Variants in ABHD14A observed in about 807,000 individuals in gnomAD.
ABHD14A encodes the protein abhydrolase domain containing 14A, also known as protein ABHD14A.
In ABHD14A, 19 loss-of-function variants were observed where a neutral mutation model predicts 27.0. That is an observed-to-expected ratio of 0.70 (90% CI 0.49 to 1.03). The LOEUF is 1.03. Ranked by LOEUF, ABHD14A falls within the 50% of genes least tolerant of loss-of-function variation. The pLI is 0.00. For missense variants in ABHD14A, 311 were observed against 344.6 expected, an observed-to-expected ratio of 0.90 and a Z score of 0.77; for synonymous variants, 148 against 158.8, an observed-to-expected ratio of 0.93 and a Z score of 0.51.
At chr3:51,978,216 T>C (rs1172400336) in intron 2 of ABHD14A, 43 bp from the exon 3 acceptor site, 1 of 1,536,074 alleles carries the variant, frequency 6.5e-7, no homozygotes, top group Admixed American at 2.0e-5. Flanking sequence ...AAAGGTGGGC[T>C]ACACCAGGTT....
intron 1 of ABHD14A, among the ~76,000 whole-genome samples, chr3:51,976,521 C>G: frequency 6.6e-6 from 1 of 151,858 alleles, no homozygotes; most frequent in East Asian, 1.9e-4. Flanking sequence ...CTAAAAAATA[C>G]AAAAATTAGC....
intron 3 of ABHD14A, 23 bp downstream of exon 3, chr3:51,978,397 C>T: frequency 6.5e-7 from 1 of 1,538,386 alleles, no homozygotes; most frequent in Non-Finnish European, 8.8e-7. Flanking sequence ...ACCCCTTTGT[C>T]TAGGGAAGCC....
At position 51,980,849 on chromosome 3, in the gene ABHD14A, T is replaced by C. The variant is rs984620430; in HGVS notation, c.647T>C (p.Ile216Thr). Residue 216 changes from isoleucine (I) to threonine (T), a missense_variant, in exon 5 of 5, where the codon ATC (isoleucine) becomes ACC (threonine). Coordinates refer to ENST00000273596, the MANE Select transcript of ABHD14A (RefSeq NM_015407.5). ...CTTGCCCTGCAGACTCCAACCCTTA[T>C]CCTGTATGGAGAGCTGGACCACATC... ...QFWAVKTPTL[I>T]LYGELDHILA... The C allele has an allele frequency of 8.7e-6, 14 of 1,613,640 alleles. No homozygotes were observed. Among genetic ancestry groups the C allele is most frequent in the African/African-American group, 1.3e-5 (1 of 74,906 alleles).
At chr3:51,977,571 A>G (rs1700811477) in intron 1 of ABHD14A, among the ~76,000 whole-genome samples, 1 of 152,248 alleles carries the variant, frequency 6.6e-6, no homozygotes, top group Non-Finnish European at 1.5e-5. Flanking sequence ...GCCTGCTGTC[A>G]TAAGCGCTTG....
At chr3:51,978,883 C>A (rs759245870) in intron 3 of ABHD14A, 2 of 290,062 alleles carry the variant, frequency 6.9e-6, no homozygotes, top group Non-Finnish European at 1.5e-5. Context: ...TGAGCCACTG[C>A]GCCCGGCCAA....
chr3:51,975,461 G>A (rs957060887), intron 1 of ABHD14A, among the ~76,000 whole-genome samples: 2 of 144,648 alleles, frequency 1.4e-5, no homozygotes, highest in African/African-American at 2.5e-5. Context: ...TTTTTGGGGG[G>A]GGGGTGTGTT....
At chr3:51,978,429 C>A in intron 3 of ABHD14A, 55 bp downstream of exon 3, 1 of 1,419,408 alleles carries the variant, frequency 7.0e-7, no homozygotes, top group Non-Finnish European at 9.7e-7. Context: ...TGGGAGGCAA[C>A]TGGACCCTAG....
chr3:51,979,241 G>A (rs1312433255), intron 3 of ABHD14A, among the ~76,000 whole-genome samples: 1 of 152,104 alleles, frequency 6.6e-6, no homozygotes, highest in East Asian at 1.9e-4. Flanking sequence ...GATCATGCCG[G>A]TCCCTACAAA....
intron 3 of ABHD14A, among the ~76,000 whole-genome samples, chr3:51,980,016 G>A (rs911691781): frequency 2.0e-5 from 3 of 151,718 alleles, no homozygotes; most frequent in Non-Finnish European, 4.4e-5. Context: ...CCGCCCCCCG[G>A]GGTTCATGCC....
chr3:51,979,565 AC>A (rs1051626386), intron 3 of ABHD14A, among the ~76,000 whole-genome samples: 1 of 148,700 alleles, frequency 6.7e-6, no homozygotes, highest in Non-Finnish European at 1.5e-5. Flanking sequence ...GCTCACTGCA[AC>A]CTCCGCCTTC....
At chr3:51,977,049 A>C (rs896923467) in intron 1 of ABHD14A, among the ~76,000 whole-genome samples, 1 of 151,908 alleles carries the variant, frequency 6.6e-6, no homozygotes, top group Non-Finnish European at 1.5e-5. Flanking sequence ...TGTGCTTTTC[A>C]TTTCTGGGTG....
intron 2 of ABHD14A, 30 bp from the exon 3 acceptor site, chr3:51,978,229 C>T: frequency 6.5e-7 from 1 of 1,541,084 alleles, no homozygotes; most frequent in Non-Finnish European, 8.8e-7. Context: ...ACCAGGTTCC[C>T]AGCAAACACA....
In ABHD14A at chr3:51,980,170, C is replaced by T. The variant is rs533883615; in HGVS notation, c.398-223C>T. ...ATCTCCTAACCTCGTGATCTGCCCG[C>T]CTCGGCCTCCCAAAGTGCTGGGATT... is the stretch of plus-strand genomic sequence containing the variant. On this transcript the variant is annotated intron_variant, in intron 3 of 4. Coordinates refer to ENST00000273596, the MANE Select transcript of ABHD14A (RefSeq NM_015407.5). The T allele has an allele frequency of 5.2e-4, 322 of 624,900 alleles. 3 individuals are homozygous for T. The East Asian group carries it at 5.4e-3, about 11-fold the overall frequency. The allele number at this position is 624,900 out of a possible 1,614,324, so 38.7% of individuals were successfully genotyped here. A position where few individuals can be genotyped will look rare whatever the true frequency, so the allele number is the denominator to read the frequency against.
intron 3 of ABHD14A, among the ~76,000 whole-genome samples, chr3:51,980,053 G>C (rs1304612969): frequency 1.3e-5 from 2 of 152,008 alleles, no homozygotes; most frequent in Non-Finnish European, 2.9e-5. Flanking sequence ...CTCCTGCGTA[G>C]CTGGGACTAC....
rs1296081139 is a variant in ABHD14A, at chr3:51,980,817, C to A, written c.634-19C>A. 2 of 1,602,108 alleles carry A rather than the reference C, an allele frequency of 1.2e-6. No individual in the cohort carries two copies. Among genetic ancestry groups the A allele is most frequent in the African/African-American group, 1.3e-5 (1 of 74,698 alleles). On this transcript the variant is annotated intron_variant, in intron 4 of 4. Coordinates refer to ENST00000273596, the MANE Select transcript of ABHD14A (RefSeq NM_015407.5). Reference sequence around the variant, plus strand: ...ACTCATCAGGCCCCAAGATCACAGCCCCCTGCCTTGCCCTGCAGACTCCAA... The same window carrying A: ...ACTCATCAGGCCCCAAGATCACAGCACCCTGCCTTGCCCTGCAGACTCCAA...
intron 3 of ABHD14A, 142 bp from the exon 4 acceptor site, chr3:51,980,251 A>G (rs1380602853): frequency 1.3e-6 from 1 of 771,412 alleles, no homozygotes; most frequent in South Asian, 1.5e-5. Flanking sequence ...GGCATATTAC[A>G]TTACCAGAAA....
Position 51,978,269 on chromosome 3 carries a change from G to T in ABHD14A, c.292G>T (p.Val98Leu). Residue 98 changes from valine to leucine, a missense_variant, in exon 3 of 5, where the codon GTG (valine) becomes TTG (leucine). Transcript: ENST00000273596. Reference protein sequence around the residue: ...PLNQAHRVEVVLLHGKAFNSH... With the variant: ...PLNQAHRVEVLLLHGKAFNSH... ...CCTGTGTGCCTGCAGGGTGGAGGTG[G>T]TGCTGCTTCATGGAAAGGCCTTTAA... The T allele has an allele frequency of 6.4e-7, 1 of 1,551,264 alleles. No homozygotes were observed.
rs1469302690 is a variant in ABHD14A at position 51,980,618 on chromosome 3, G to C, written c.623G>C (p.Trp208Ser). The C allele has an allele frequency of 1.2e-6, 2 of 1,613,474 alleles. No homozygotes were observed. The highest frequency in any genetic ancestry group is 1.7e-6 in the Non-Finnish European group (2 of 1,179,720). The change falls in exon 4 of 5, where the codon TGG becomes TCG. Residue 208 changes from tryptophan (W) to serine (S), a missense_variant. Physicochemically the swap from Trp to Ser is radical, Grantham distance 177. Coordinates refer to ENST00000273596, the MANE Select transcript of ABHD14A (RefSeq NM_015407.5). ...CAGAACTACACCCAGGAGCAATTCTGGGCTGTGAAGGTACTGGGAGAAGGA... is the reference window on the plus strand; with the variant it reads ...CAGAACTACACCCAGGAGCAATTCTCGGCTGTGAAGGTACTGGGAGAAGGA... Reference protein sequence around the residue: ...STQNYTQEQFWAVKTPTLILY... With the variant: ...STQNYTQEQFSAVKTPTLILY...
At chr3:51,975,309 G>A (rs1026360843) in intron 1 of ABHD14A, 105 bp downstream of exon 1, 4 of 1,101,534 alleles carry the variant, frequency 3.6e-6, no homozygotes, top group Non-Finnish European at 4.6e-6. Context: ...GGAAGAAGCA[G>A]ACGCTGGGGC....
Sources: allele counts gnomAD v4.1 joint callset (sites outside exome capture counted in the v4.1 genomes callset), GRCh38; gene constraint gnomAD v4.1.1; transcripts MANE v1.5; gene names NCBI Gene and HGNC (gene_info 2026-07-23, HGNC 2026-07-21).